FHIT: variants seen among roughly 807,000 people sequenced by gnomAD.
The protein encoded by FHIT is fragile histidine triad diadenosine triphosphatase.
In FHIT, 19 loss-of-function variants were observed where a neutral mutation model predicts 17.9. The ratio of observed to expected loss-of-function variants is 1.06; its 90% CI spans 0.74 to 1.56. FHIT has a LOEUF of 1.56. Ranked by LOEUF, FHIT falls within the 40% of genes most tolerant of loss-of-function variation. FHIT has a pLI of 0.00. For synonymous variants in FHIT, 81 were observed against 69.7 expected (o/e 1.16, Z -0.81); for missense variants, 248 against 189.2 (o/e 1.31, Z -1.82).
chr3:60,263,062 A>G (rs1228057923), intron 5 of FHIT, among the ~76,000 whole-genome samples: 1 of 152,012 alleles, frequency 6.6e-6, no homozygotes, highest in Non-Finnish European at 1.5e-5. Flanking sequence ...ACCCAAAATG[A>G]CATCGTACAA....
At chr3:60,987,810 G>C (rs1354374736) in intron 3 of FHIT, among the ~76,000 whole-genome samples, 1 of 152,160 alleles carries the variant, frequency 6.6e-6, no homozygotes, top group Non-Finnish European at 1.5e-5. Context: ...TCTTTGAAGA[G>C]ACAAGGGAGA....
intron 5 of FHIT, among the ~76,000 whole-genome samples, chr3:60,444,829 G>C (rs528504377): frequency 6.6e-6 from 1 of 151,078 alleles, no homozygotes; most frequent in Admixed American, 6.6e-5. Flanking sequence ...ATGTACCCTA[G>C]AACTTAAAGT....
chr3:60,071,538 G>A (rs541448023), intron 5 of FHIT, among the ~76,000 whole-genome samples: 1 of 152,172 alleles, frequency 6.6e-6, no homozygotes, highest in African/African-American at 2.4e-5. Context: ...TCCATGTCTG[G>A]CATGCCTGAC....
At chr3:60,029,901 G>GTGTGTGTGTGTC (rs1553655757) in intron 5 of FHIT, among the ~76,000 whole-genome samples, 4 of 143,154 alleles carry the variant, frequency 2.8e-5, no homozygotes, top group East Asian at 2.0e-4. Flanking sequence ...GTGTGTCTGT[G>GTGTGTGTGTGTC]TGTGTGTGTG....
At chr3:60,094,548 A>G (rs1703860813) in intron 5 of FHIT, among the ~76,000 whole-genome samples, 1 of 152,196 alleles carries the variant, frequency 6.6e-6, no homozygotes, top group East Asian at 1.9e-4. Context: ...CTATTCTGAG[A>G]CAACCTAATT....
At chr3:60,389,977 T>C (rs1285447013) in intron 5 of FHIT, among the ~76,000 whole-genome samples, 1 of 152,186 alleles carries the variant, frequency 6.6e-6, no homozygotes, top group Non-Finnish European at 1.5e-5. Context: ...GCCTTTCATC[T>C]GCTCCTCTGA....
intron 3 of FHIT, among the ~76,000 whole-genome samples, chr3:60,880,643 A>T (rs1704921610): frequency 6.6e-6 from 1 of 152,188 alleles, no homozygotes; most frequent in Non-Finnish European, 1.5e-5. Context: ...GAGGCAGGAG[A>T]ATCACTTGTA....
chr3:60,682,672 G>A (rs1225301446), intron 4 of FHIT, among the ~76,000 whole-genome samples: 3 of 152,180 alleles, frequency 2.0e-5, no homozygotes, highest in Non-Finnish European at 2.9e-5. Context: ...TGATGGAGAT[G>A]TAAAAGGAAA....
intron 5 of FHIT, among the ~76,000 whole-genome samples, chr3:60,014,839 C>G (rs1286328096): frequency 2.0e-5 from 3 of 152,036 alleles, no homozygotes; most frequent in Admixed American, 2.0e-4. Context: ...TCAAATAAAG[C>G]ATTCTTAATG....
intron 1 of FHIT, among the ~76,000 whole-genome samples, chr3:61,207,586 G>A (rs941026306): frequency 5.9e-5 from 9 of 152,208 alleles, no homozygotes; most frequent in East Asian, 1.9e-4. Flanking sequence ...AATTCTTCTA[G>A]ATTTTCTAGT....
At chr3:61,026,343 A>T (rs1461017024) in intron 3 of FHIT, among the ~76,000 whole-genome samples, 1 of 152,178 alleles carries the variant, frequency 6.6e-6, no homozygotes, top group African/African-American at 2.4e-5. Context: ...GTGTACCTCC[A>T]ATTCTCTCCG....
At chr3:60,524,784 T>C (rs914106968) in intron 5 of FHIT, among the ~76,000 whole-genome samples, 6 of 152,174 alleles carry the variant, frequency 3.9e-5, no homozygotes, top group African/African-American at 1.2e-4. Flanking sequence ...CTCACTCTTA[T>C]AAGGACACTG....
rs896001536 is a variant in FHIT, at chr3:60,732,568, C to T, written c.-18+89351G>A. On this transcript the variant is annotated intron_variant, in intron 4 of 9. Transcript: ENST00000492590. The stretch of plus-strand genomic sequence containing the variant: ...TCTTTGGAACCTCGTCTGCAAACAG[C>T]TCGAAGGAGACGCGGCCCAAGGGCT... 6.5e-6 allele frequency: 4 copies of T among 618,134 alleles called. No individual in the cohort carries two copies. The African/African-American group carries it at 7.3e-5, about 11-fold the overall frequency. 38.3% of individuals were successfully genotyped at this position (618,134 alleles called of 1,614,324 possible). A position where few individuals can be genotyped will look rare whatever the true frequency, so the allele number is the denominator to read the frequency against.
At chr3:60,205,879 G>C (rs527903793) in intron 5 of FHIT, among the ~76,000 whole-genome samples, 1 of 151,508 alleles carries the variant, frequency 6.6e-6, no homozygotes, top group Non-Finnish European at 1.5e-5. Flanking sequence ...GAGGCCGAGG[G>C]GGGCAGATCA....
intron 8 of FHIT, among the ~76,000 whole-genome samples, chr3:59,898,186 T>G (rs1704158416): frequency 6.6e-6 from 1 of 152,198 alleles, no homozygotes; most frequent in South Asian, 2.1e-4. Flanking sequence ...CAAAGTTATT[T>G]AAAATATTAC....
chr3:60,187,501 T>C (rs1415438702), intron 5 of FHIT, among the ~76,000 whole-genome samples: 1 of 152,202 alleles, frequency 6.6e-6, no homozygotes, highest in African/African-American at 2.4e-5. Flanking sequence ...AAGCAGTGAA[T>C]GCAGAATATT....
chr3:60,350,397 C>T (rs1001441203), intron 5 of FHIT, among the ~76,000 whole-genome samples: 2 of 152,132 alleles, frequency 1.3e-5, no homozygotes, highest in African/African-American at 4.8e-5. Context: ...GGTAGAGCTC[C>T]AAACTCCCAT....
intron 8 of FHIT, among the ~76,000 whole-genome samples, chr3:59,774,204 G>A (rs1702201248): frequency 6.6e-6 from 1 of 152,154 alleles, no homozygotes; most frequent in African/African-American, 2.4e-5. Context: ...TGGTAAAGGG[G>A]CTTTTATTGG....
intron 8 of FHIT, among the ~76,000 whole-genome samples, chr3:59,848,440 T>G (rs774760683): frequency 9.2e-5 from 14 of 152,120 alleles, no homozygotes; most frequent in Non-Finnish European, 1.3e-4. Context: ...CCAAAAAGAT[T>G]TAAAAAAATC....
Sources: gnomAD v4.1 joint callset for allele counts (sites outside exome capture counted in the v4.1 genomes callset) on GRCh38, gnomAD v4.1.1 for gene constraint, MANE v1.5 for transcripts, NCBI Gene and HGNC (gene_info 2026-07-23, HGNC 2026-07-21) for gene names.